CFAP20DC: variants seen among roughly 807,000 people sequenced by gnomAD.
The protein encoded by CFAP20DC is CFAP20 domain containing.
CFAP20DC carries 84 observed loss-of-function variants against 101.7 expected under a neutral mutation model. The ratio of observed to expected loss-of-function variants is 0.83; its 90% CI spans 0.69 to 0.99. The LOEUF (loss-of-function observed/expected upper bound fraction) is 0.99. Among genes scored for constraint, CFAP20DC ranks in the 50% least tolerant of loss-of-function variants. The pLI is 0.00. For missense variants in CFAP20DC, 1,007 were observed against 970.3 expected (o/e 1.04, Z -0.50); for synonymous variants, 359 against 351.2 (o/e 1.02, Z -0.25).
At chr3:59,013,174 T>C (rs1383337525) in intron 4 of CFAP20DC, among the ~76,000 whole-genome samples, 3 of 152,320 alleles carry the variant, frequency 2.0e-5, no homozygotes, top group African/African-American at 7.2e-5. Flanking sequence ...CTAGGTTACA[T>C]GACCACGGCT....
At chr3:59,025,157 C>T (rs2093872364) in intron 4 of CFAP20DC, among the ~76,000 whole-genome samples, 3 of 152,164 alleles carry the variant, frequency 2.0e-5, no homozygotes, top group Admixed American at 2.0e-4. Context: ...CCCTTCATAC[C>T]AGAACTCTGA....
chr3:58,961,704 T>C (rs1243024577), intron 4 of CFAP20DC, among the ~76,000 whole-genome samples: 4 of 152,192 alleles, frequency 2.6e-5, no homozygotes, highest in Non-Finnish European at 4.4e-5. Context: ...TCTTTACTTG[T>C]TATATGTCTA....
chr3:58,773,215 A>G (rs2071014275), intron 15 of CFAP20DC, among the ~76,000 whole-genome samples: 1 of 151,954 alleles, frequency 6.6e-6, no homozygotes, highest in East Asian at 1.9e-4. Context: ...CCTCATACTA[A>G]CTTGCATGGT....
chr3:58,848,328 C>T (rs1462833022), intron 13 of CFAP20DC, among the ~76,000 whole-genome samples: 5 of 152,072 alleles, frequency 3.3e-5, no homozygotes, highest in African/African-American at 7.2e-5. Flanking sequence ...TGAACCAAAG[C>T]TTTACAATGC....
At chr3:59,010,255 T>G (rs568777584) in intron 4 of CFAP20DC, among the ~76,000 whole-genome samples, 1 of 152,226 alleles carries the variant, frequency 6.6e-6, no homozygotes, top group Non-Finnish European at 1.5e-5. Flanking sequence ...ACTTAAAAGA[T>G]GCAGAATGGC....
rs945564773 is a variant in CFAP20DC, at chr3:59,015,981, G to A, written c.278+23576C>T. Among the ~76,000 whole-genome samples, 1 of 152,126 alleles carries A rather than the reference G, an allele frequency of 6.6e-6. No individual in the cohort carries two copies. The highest frequency in any genetic ancestry group is 2.4e-5 in the African/African-American group (1 of 41,434). On this transcript the variant is annotated intron_variant, in intron 4 of 16. Coordinates refer to ENST00000482387, the MANE Select transcript of CFAP20DC (RefSeq NM_001394063.1). This position sits in a 1 kb window ranked among gnomAD's most constrained non-coding sequence, Gnocchi z 5.4. ...GGCTGGGACAAAATGCTGGGAAGAA[G>A]CCAGATCCTGGGTTCTGGCTACCTT...
chr3:58,775,563 A>G (rs757433081), intron 15 of CFAP20DC, among the ~76,000 whole-genome samples: 2 of 152,182 alleles, frequency 1.3e-5, no homozygotes, highest in Non-Finnish European at 2.9e-5. Flanking sequence ...TCTTAATACT[A>G]TTCATATTCA....
At chr3:58,833,163 T>A (rs1464077499) in intron 13 of CFAP20DC, among the ~76,000 whole-genome samples, 1 of 152,194 alleles carries the variant, frequency 6.6e-6, no homozygotes, top group Non-Finnish European at 1.5e-5. Context: ...ATTATCTTCA[T>A]AATTTGGGGT....
chr3:58,856,732 G>A (rs1376097235), intron 12 of CFAP20DC, among the ~76,000 whole-genome samples: 3 of 151,994 alleles, frequency 2.0e-5, no homozygotes, highest in African/African-American at 4.8e-5. Context: ...TAGAGAAGAT[G>A]GTAAACAAAA....
intron 14 of CFAP20DC, among the ~76,000 whole-genome samples, chr3:58,816,946 A>C (rs754615236): frequency 2.6e-5 from 4 of 152,194 alleles, no homozygotes; most frequent in Non-Finnish European, 5.9e-5. Context: ...GAGATCTGAG[A>C]ACCAGCAGAC....
At position 59,007,974 on chromosome 3, in the gene CFAP20DC, A is replaced by G. The variant is rs1359214547; in HGVS notation, c.278+31583T>C. On this transcript the variant is annotated intron_variant, in intron 4 of 16. Transcript: ENST00000482387. This position sits in a 1 kb window ranked among gnomAD's most constrained non-coding sequence, Gnocchi z 4.4. Reference sequence around the variant, plus strand: ...AATCTGCACCTATATCCCAACAGACAGGCAGCCTCTGTGATCATGAAAGGC... The same window carrying G: ...AATCTGCACCTATATCCCAACAGACGGGCAGCCTCTGTGATCATGAAAGGC... 2.0e-5 allele frequency among the ~76,000 whole-genome samples: 3 copies of G among 152,214 alleles called. No individual in the cohort carries two copies. Among genetic ancestry groups the G allele is most frequent in the Non-Finnish European group, 4.4e-5 (3 of 68,038 alleles).
chr3:58,839,257 G>A (rs2076943503), intron 13 of CFAP20DC, among the ~76,000 whole-genome samples: 1 of 152,218 alleles, frequency 6.6e-6, no homozygotes, highest in South Asian at 2.1e-4. Flanking sequence ...GCCCATTGTG[G>A]TGGAAGGTGC....
intron 6 of CFAP20DC, among the ~76,000 whole-genome samples, chr3:58,887,713 CCAACATCTTTCCTTT>C (rs1345092746): frequency 1.3e-5 from 2 of 152,176 alleles, no homozygotes; most frequent in African/African-American, 4.8e-5. Flanking sequence ...TCTGCATCAC[CCAACATCTTTCCTTT>C]CTGTATATCT....
chr3:58,932,729 A>G (rs2086892963), intron 5 of CFAP20DC, among the ~76,000 whole-genome samples: 1 of 152,234 alleles, frequency 6.6e-6, no homozygotes, highest in Admixed American at 6.5e-5. Flanking sequence ...ATGCTGAGAC[A>G]TTTTGTCACC....
chr3:58,878,632 G>C (rs900184707), intron 7 of CFAP20DC, among the ~76,000 whole-genome samples: 1 of 152,130 alleles, frequency 6.6e-6, no homozygotes, highest in East Asian at 1.9e-4. Context: ...TAAGGCAAGA[G>C]AAGAAGAGAA....
intron 12 of CFAP20DC, 122 bp from the exon 13 acceptor site, chr3:58,849,531 A>AT: frequency 1.4e-6 from 1 of 731,680 alleles, no homozygotes; most frequent in Non-Finnish European, 2.1e-6. Context: ...CTATATATAG[A>AT]TTTTACTTTA....
chr3:58,973,750 G>A (rs1443336281), intron 4 of CFAP20DC, among the ~76,000 whole-genome samples: 3 of 152,114 alleles, frequency 2.0e-5, no homozygotes, highest in Non-Finnish European at 1.5e-5. Flanking sequence ...GGAAACAAAG[G>A]GATGGTTAGG....
rs2079399405 is a variant in CFAP20DC, at chr3:58,863,265, C to G, written c.1593+293G>C. On this transcript the variant is annotated intron_variant, in intron 12 of 16. Coordinates refer to ENST00000482387, the MANE Select transcript of CFAP20DC (RefSeq NM_001394063.1). The surrounding 1 kb of genome is among the most constrained non-coding windows in gnomAD (Gnocchi z 5.9). ...CTGGTCTTGCTATCATAGCACTAAA[C>G]TGCATATCGTTTCTCATCCTGTGAT... The G allele has an allele frequency of 2.1e-6, 3 of 1,396,080 alleles. No individual in the cohort carries two copies. In the African/African-American group the frequency reaches 4.4e-5, roughly 20 times the overall value. 86.5% of individuals were successfully genotyped at this position (1,396,080 alleles called of 1,614,324 possible). A position where few individuals can be genotyped will look rare whatever the true frequency, so the allele number is the denominator to read the frequency against.
At chr3:58,773,703 TA>T (rs1490498596) in intron 15 of CFAP20DC, among the ~76,000 whole-genome samples, 1 of 152,258 alleles carries the variant, frequency 6.6e-6, no homozygotes, top group Non-Finnish European at 1.5e-5. Context: ...TAGATATGAC[TA>T]AAACAAGTAG....
Sources: allele counts gnomAD v4.1 joint callset (sites outside exome capture counted in the v4.1 genomes callset), GRCh38; gene constraint gnomAD v4.1.1; non-coding constraint Gnocchi (gnomAD v3.1); transcripts MANE v1.5; gene names NCBI Gene and HGNC (gene_info 2026-07-23, HGNC 2026-07-21).